Variants in LPCAT2 observed in about 807,000 individuals in gnomAD.
The protein encoded by LPCAT2 is lysophosphatidylcholine acyltransferase 2.
LPCAT2 carries 58 observed loss-of-function variants against 64.7 expected under a neutral mutation model. The observed-to-expected ratio is 0.90, with a 90% CI of 0.73 to 1.12. LPCAT2 has a LOEUF of 1.12. LPCAT2 is among the 50% of genes most tolerant of loss of function. LPCAT2 has a pLI of 0.00. For synonymous variants in LPCAT2, 252 were observed against 245.3 expected, an observed-to-expected ratio of 1.03 and a Z score of -0.26; for missense variants, 579 against 669.8, an observed-to-expected ratio of 0.86 and a Z score of 1.50.
At chr16:55,579,302 A>G in intron 13 of LPCAT2, 58 bp downstream of exon 13, 1 of 1,535,788 alleles carries the variant, frequency 6.5e-7, no homozygotes, top group Middle Eastern at 1.8e-4. Flanking sequence ...CAGACTATGG[A>G]CTGATGCTCA....
intron 1 of LPCAT2, among the ~76,000 whole-genome samples, chr16:55,522,935 CATAAA>C (rs1348597799): frequency 3.3e-4 from 50 of 151,498 alleles, no homozygotes; most frequent in African/African-American, 1.2e-3. Flanking sequence ...AAGAATTAAA[CATAAA>C]ATAAAAATTA....
At chr16:55,534,029 G>T (rs1214397676) in intron 6 of LPCAT2, among the ~76,000 whole-genome samples, 1 of 151,934 alleles carries the variant, frequency 6.6e-6, no homozygotes, top group African/African-American at 2.4e-5. Context: ...TTTATTTGTT[G>T]TACTTCTGCC....
chr16:55,547,720 A>C (rs1963469288), intron 9 of LPCAT2, among the ~76,000 whole-genome samples: 1 of 152,142 alleles, frequency 6.6e-6, no homozygotes, highest in African/African-American at 2.4e-5. Flanking sequence ...ATACCAAAAC[A>C]CTTATTAATC....
intron 9 of LPCAT2, 36 bp downstream of exon 9, chr16:55,545,853 T>C (rs1963447559): frequency 1.3e-6 from 2 of 1,500,064 alleles, no homozygotes; most frequent in Non-Finnish European, 9.1e-7. Flanking sequence ...TCATAAATAA[T>C]TTGAAAATTA....
intron 5 of LPCAT2, 44 bp downstream of exon 5, chr16:55,532,018 G>A: frequency 8.3e-7 from 1 of 1,207,884 alleles, no homozygotes; most frequent in Non-Finnish European, 1.2e-6. Flanking sequence ...TAATATGTGA[G>A]ATTTTGCAAA....
At chr16:55,536,572 T>C (rs995549561) in intron 7 of LPCAT2, among the ~76,000 whole-genome samples, 15 of 152,218 alleles carry the variant, frequency 9.9e-5, no homozygotes, top group African/African-American at 3.4e-4. Context: ...ATCTACTTTC[T>C]AAATTATTTC....
chr16:55,570,686 T>C (rs1347030359), intron 11 of LPCAT2, among the ~76,000 whole-genome samples: 1 of 152,180 alleles, frequency 6.6e-6, no homozygotes. Context: ...TGGAGGCACT[T>C]ACAAAGTATG....
intron 1 of LPCAT2, among the ~76,000 whole-genome samples, chr16:55,522,378 C>A (rs1375930514): frequency 1.3e-5 from 2 of 151,582 alleles, no homozygotes; most frequent in Non-Finnish European, 3.0e-5. Flanking sequence ...TTGGAAGAAT[C>A]AATATTATTA....
chr16:55,515,838 T>C (rs1463125259), intron 1 of LPCAT2, among the ~76,000 whole-genome samples: 3 of 152,016 alleles, frequency 2.0e-5, no homozygotes, highest in Admixed American at 2.0e-4. Context: ...ACAAAGCAAA[T>C]ACATTTTTAA....
chr16:55,581,948 T>C (rs1353856930), intron 13 of LPCAT2, among the ~76,000 whole-genome samples: 1 of 152,184 alleles, frequency 6.6e-6, no homozygotes, highest in Non-Finnish European at 1.5e-5. Flanking sequence ...GTATGATTAT[T>C]ATATATTGTA....
chr16:55,525,871 A>G (rs1261943176), intron 2 of LPCAT2: 3 of 296,664 alleles, frequency 1.0e-5, no homozygotes, highest in Non-Finnish European at 1.8e-5. Flanking sequence ...ATTACTGCCC[A>G]AATGCCAACT....
At chr16:55,553,017 C>T (rs1415228597) in intron 11 of LPCAT2, among the ~76,000 whole-genome samples, 1 of 150,214 alleles carries the variant, frequency 6.7e-6, no homozygotes, top group African/African-American at 2.5e-5. Flanking sequence ...GGGTGGATTT[C>T]CTGAGGTCAG....
At chr16:55,561,786 T>C (rs1963639461) in intron 11 of LPCAT2, among the ~76,000 whole-genome samples, 1 of 152,006 alleles carries the variant, frequency 6.6e-6, no homozygotes, top group African/African-American at 2.4e-5. Flanking sequence ...AGAGTTCTTT[T>C]GTGATACTTT....
rs200254323 is a variant in LPCAT2, at chr16:55,509,297, C to T, written c.116C>T (p.Pro39Leu). ...CGTCAGGCGTCCTTCTTCCCGCCGC[C>T]GGTGCCGAACCCCTTCGTGCAGCAG... is the stretch of plus-strand genomic sequence containing the variant. ...VPRQASFFPP[P>L]VPNPFVQQTQ... The change falls in exon 1 of 14, where the codon CCG becomes CTG. Residue 39 changes from proline to leucine, a missense_variant. Transcript: ENST00000262134. 3.8e-4 allele frequency: 573 copies of T among 1,511,244 alleles called. No individual in the cohort carries two copies. Among genetic ancestry groups the T allele is most frequent in the Admixed American group, 8.5e-4 (43 of 50,300 alleles). 93.6% of individuals were successfully genotyped at this position (1,511,244 alleles called of 1,614,324 possible).
intron 11 of LPCAT2, among the ~76,000 whole-genome samples, chr16:55,554,472 C>T (rs1417750732): frequency 1.3e-5 from 2 of 152,226 alleles, no homozygotes. Context: ...GCTCCCTCAC[C>T]TCTCAGTCTT....
At chr16:55,572,214 T>C (rs1286917730) in intron 11 of LPCAT2, among the ~76,000 whole-genome samples, 2 of 152,180 alleles carry the variant, frequency 1.3e-5, no homozygotes, top group African/African-American at 2.4e-5. Context: ...TTTCTCCATC[T>C]GCAAAATGAC....
intron 1 of LPCAT2, among the ~76,000 whole-genome samples, chr16:55,518,371 A>G: frequency 6.6e-6 from 1 of 152,242 alleles, no homozygotes; most frequent in East Asian, 1.9e-4. Flanking sequence ...AGATTAGTAT[A>G]ACCCTTATCA....
At chr16:55,575,188 C>T (rs1360548895) in intron 12 of LPCAT2, among the ~76,000 whole-genome samples, 2 of 152,132 alleles carry the variant, frequency 1.3e-5, no homozygotes, top group Admixed American at 1.3e-4. Context: ...CAGGTGAACA[C>T]CATCATAAAT....
At chr16:55,568,713 C>T (rs1432745808) in intron 11 of LPCAT2, among the ~76,000 whole-genome samples, 1 of 152,146 alleles carries the variant, frequency 6.6e-6, no homozygotes, top group Non-Finnish European at 1.5e-5. Flanking sequence ...TTTTTCAAGC[C>T]TGTCTCAGCC....
Sources: gnomAD v4.1 joint callset for allele counts (sites outside exome capture counted in the v4.1 genomes callset) on GRCh38, gnomAD v4.1.1 for gene constraint, MANE v1.5 for transcripts, NCBI Gene and HGNC (gene_info 2026-07-23, HGNC 2026-07-21) for gene names.